Variants in PTPRT observed in about 807,000 individuals in gnomAD.
The protein encoded by PTPRT is receptor-type tyrosine-protein phosphatase T.
A neutral mutation model predicts 176.8 loss-of-function variants in PTPRT; 56 were observed. The observed-to-expected ratio is 0.32, with a 90% CI of 0.26 to 0.40. The LOEUF (loss-of-function observed/expected upper bound fraction) is 0.40, where lower values mean the gene tolerates loss of function less well. Among genes scored for constraint, PTPRT ranks in the 10% least tolerant of loss-of-function variants. PTPRT has a pLI of 1.00. For synonymous variants in PTPRT, 783 were observed against 739.0 expected, an observed-to-expected ratio of 1.06 and a Z score of -0.96; for missense variants, 1,540 against 1,908.2, an observed-to-expected ratio of 0.81 and a Z score of 3.60.
chr20:42,616,382 G>A (rs1428820991), intron 7 of PTPRT, among the ~76,000 whole-genome samples: 16 of 120,156 alleles, frequency 1.3e-4, no homozygotes, highest in African/African-American at 5.9e-4. Context: ...GATGCCTCCA[G>A]CTTTGTTCTT....
chr20:43,005,765 C>G (rs373305453), intron 1 of PTPRT, among the ~76,000 whole-genome samples: 1 of 152,110 alleles, frequency 6.6e-6, no homozygotes, highest in East Asian at 1.9e-4. Context: ...ACAATTTGGA[C>G]AGCAGATCAA....
At chr20:43,018,919 T>G (rs1178780166) in intron 1 of PTPRT, among the ~76,000 whole-genome samples, 1 of 152,228 alleles carries the variant, frequency 6.6e-6, no homozygotes, top group African/African-American at 2.4e-5. Context: ...TTGGGAAATG[T>G]GACAATATTT....
intron 3 of PTPRT, among the ~76,000 whole-genome samples, chr20:42,787,156 C>A (rs907028422): frequency 6.6e-6 from 1 of 152,168 alleles, no homozygotes; most frequent in Admixed American, 6.5e-5. Context: ...TTTGCCTTAT[C>A]TACAAAATGA....
chr20:42,691,243 T>C (rs943217041), intron 6 of PTPRT, among the ~76,000 whole-genome samples: 4 of 151,748 alleles, frequency 2.6e-5, no homozygotes, highest in African/African-American at 7.3e-5. Flanking sequence ...GATGACAAAG[T>C]AGAGAGAAAG....
chr20:42,630,364 T>C (rs1157609040), intron 7 of PTPRT, among the ~76,000 whole-genome samples: 7 of 152,064 alleles, frequency 4.6e-5, no homozygotes, highest in Non-Finnish European at 1.0e-4. Context: ...ATTTGTGTGG[T>C]TTCAAGCCAC....
At chr20:42,141,306 C>T (rs892103187) in intron 18 of PTPRT, among the ~76,000 whole-genome samples, 1 of 152,150 alleles carries the variant, frequency 6.6e-6, no homozygotes, top group African/African-American at 2.4e-5. Flanking sequence ...TCCTGTGAGG[C>T]CTGAGCTGGG....
At chr20:43,123,275 G>T (rs1442788303) in intron 1 of PTPRT, among the ~76,000 whole-genome samples, 2 of 152,194 alleles carry the variant, frequency 1.3e-5, no homozygotes, top group East Asian at 3.8e-4. Flanking sequence ...CCCTGGCCTG[G>T]TTGACTGCAT....
At chr20:42,536,062 G>T (rs1329295746) in intron 7 of PTPRT, among the ~76,000 whole-genome samples, 1 of 152,040 alleles carries the variant, frequency 6.6e-6, no homozygotes, top group Non-Finnish European at 1.5e-5. Flanking sequence ...ATAATCTCCT[G>T]CACTAGGTTT....
intron 7 of PTPRT, among the ~76,000 whole-genome samples, chr20:42,582,103 A>G (rs977319809): frequency 6.6e-6 from 1 of 152,078 alleles, no homozygotes; most frequent in Non-Finnish European, 1.5e-5. Flanking sequence ...TTGTGGGGAG[A>G]GTGTCAGCGC....
chr20:42,725,483 A>T (rs2076365858), intron 6 of PTPRT, among the ~76,000 whole-genome samples: 2 of 151,954 alleles, frequency 1.3e-5, no homozygotes, highest in Admixed American at 1.3e-4. Context: ...TCCACTTTAC[A>T]AATGAGAAAA....
intron 1 of PTPRT, among the ~76,000 whole-genome samples, chr20:43,019,338 T>C (rs1985534153): frequency 2.6e-5 from 4 of 152,184 alleles, no homozygotes; most frequent in African/African-American, 9.6e-5. Flanking sequence ...AATTGGGCTG[T>C]GGCCGGGCAC....
chr20:42,693,842 C>T (rs2075827619), intron 6 of PTPRT, among the ~76,000 whole-genome samples: 1 of 152,058 alleles, frequency 6.6e-6, no homozygotes, highest in Non-Finnish European at 1.5e-5. Context: ...GTTTCTCACG[C>T]TACTCCTTTA....
At chr20:42,750,873 T>A (rs2076760344) in intron 6 of PTPRT, among the ~76,000 whole-genome samples, 2 of 152,116 alleles carry the variant, frequency 1.3e-5, no homozygotes, top group South Asian at 4.1e-4. Flanking sequence ...CTGGACCAGG[T>A]AGGTTGAGGG....
At chr20:42,358,792 C>T (rs1365785374) in intron 9 of PTPRT, among the ~76,000 whole-genome samples, 1 of 152,194 alleles carries the variant, frequency 6.6e-6, no homozygotes, top group Non-Finnish European at 1.5e-5. Context: ...GGTGCCCAGT[C>T]ATATTCTTCC....
chr20:42,208,487 T>C (rs950675834), intron 15 of PTPRT, among the ~76,000 whole-genome samples: 1 of 151,922 alleles, frequency 6.6e-6, no homozygotes, highest in Non-Finnish European at 1.5e-5. Flanking sequence ...AGGCAGGGGT[T>C]GCAATCCTAG....
chr20:42,529,651 T>A (rs2072343854), intron 7 of PTPRT, among the ~76,000 whole-genome samples: 1 of 151,982 alleles, frequency 6.6e-6, no homozygotes, highest in Admixed American at 6.6e-5. Context: ...CATGCCCGGC[T>A]AATTTTTCGT....
In PTPRT at chr20:42,161,425, C is replaced by G. The variant is rs780417311; in HGVS notation, c.2609G>C (p.Arg870Pro). ...YPRDQFQPAI[R>P]VADLLQHITQ... ...GATGTGCTGCAGCAAGTCAGCCACC[C>G]GGATGGCGGGTTGGAACTGGTCCCG... Residue 870 changes from arginine (R) to proline (P), a missense_variant, in exon 17 of 31, where the codon CGG becomes CCG. Around this residue, in one of 11 missense-constraint regions of PTPRT, gnomAD observed 255 missense variants for 250.1 expected, o/e 1.02. Coordinates refer to ENST00000373187, the MANE Select transcript of PTPRT (RefSeq NM_007050.6). The G allele has an allele frequency of 1.9e-6, 3 of 1,614,110 alleles. No homozygotes were observed. Among genetic ancestry groups the G allele is most frequent in the East Asian group, 2.2e-5 (1 of 44,862 alleles).
At chr20:42,470,548 C>A (rs966250681) in intron 8 of PTPRT, among the ~76,000 whole-genome samples, 6 of 152,110 alleles carry the variant, frequency 3.9e-5, no homozygotes, top group Admixed American at 3.9e-4. Context: ...AGGCAAGAGG[C>A]AGCCTGGGCT....
chr20:42,934,575 C>G (rs1262202696), intron 1 of PTPRT, among the ~76,000 whole-genome samples: 3 of 152,106 alleles, frequency 2.0e-5, no homozygotes, highest in Admixed American at 2.0e-4. Context: ...TCTAAGCTCA[C>G]TCTCAGGGTT....
Sources: allele counts gnomAD v4.1 joint callset (sites outside exome capture counted in the v4.1 genomes callset), GRCh38; gene constraint gnomAD v4.1.1; regional missense constraint gnomAD v4.1.1; transcripts MANE v1.5; gene names NCBI Gene and HGNC (gene_info 2026-07-23, HGNC 2026-07-21).